The following OSBPL10 variants were observed in gnomAD, a reference collection of about 807,000 sequenced individuals.
The protein encoded by OSBPL10 is oxysterol-binding protein-related protein 10.
Under a neutral mutation model 81.7 loss-of-function variants are expected in OSBPL10, and 49 were observed. That is an observed-to-expected ratio of 0.60 (90% CI 0.48 to 0.76). The LOEUF is 0.76. OSBPL10 is among the 30% of genes least tolerant of loss of function. OSBPL10 has a pLI of 0.00. For missense variants in OSBPL10, 923 were observed against 987.8 expected (o/e 0.93, Z 0.88); for synonymous variants, 419 against 383.6 (o/e 1.09, Z -1.08).
chr3:31,663,824 T>C lies in OSBPL10; in HGVS notation c.2250+255A>G, dbSNP rs1471670318. On this transcript the variant is annotated intron_variant, in intron 11 of 11. Coordinates refer to ENST00000396556, the MANE Select transcript of OSBPL10 (RefSeq NM_017784.5). ...ATCCCTCACAGGCAGGCTGACATGC[T>C]TTTCTGACATAGGGATACTGGAGGG... is the stretch of plus-strand genomic sequence containing the variant. 8 of 1,393,056 alleles carry C rather than the reference T, an allele frequency of 5.7e-6. No homozygotes were observed. In the Admixed American group the frequency reaches 2.1e-4, roughly 36 times the overall value. 86.3% of individuals were successfully genotyped at this position (1,393,056 alleles called of 1,614,324 possible). A position where few individuals can be genotyped will look rare whatever the true frequency, so the allele number is the denominator to read the frequency against.
At chr3:31,858,306 T>C (rs1194946329) in intron 3 of OSBPL10, among the ~76,000 whole-genome samples, 1 of 152,136 alleles carries the variant, frequency 6.6e-6, no homozygotes, top group Non-Finnish European at 1.5e-5. Context: ...CAGCCCCCTA[T>C]GTTTTTTAAC....
intron 1 of OSBPL10, among the ~76,000 whole-genome samples, chr3:31,922,776 C>T (rs1696956899): frequency 6.6e-6 from 1 of 152,146 alleles, no homozygotes; most frequent in South Asian, 2.1e-4. Context: ...CCCCGGCTGG[C>T]TTCTTATGTG....
chr3:31,727,053 G>C (rs906001394), intron 6 of OSBPL10, among the ~76,000 whole-genome samples: 6 of 151,878 alleles, frequency 4.0e-5, no homozygotes, highest in Non-Finnish European at 7.4e-5. Context: ...GGTTGGTCTT[G>C]ACCTCCTCGC....
At chr3:31,958,863 A>G (rs530313303) in intron 1 of OSBPL10, among the ~76,000 whole-genome samples, 15 of 152,348 alleles carry the variant, frequency 9.8e-5, no homozygotes, top group African/African-American at 3.6e-4. Context: ...TTATGCTGCC[A>G]TGGCAGAGTT....
At chr3:31,971,495 C>G (rs1698567596) in intron 1 of OSBPL10, among the ~76,000 whole-genome samples, 1 of 152,174 alleles carries the variant, frequency 6.6e-6, no homozygotes, top group Non-Finnish European at 1.5e-5. Context: ...TACACAGCTT[C>G]TCAGTTGATC....
chr3:31,760,520 T>C (rs1039154336), intron 4 of OSBPL10, among the ~76,000 whole-genome samples: 1 of 152,220 alleles, frequency 6.6e-6, no homozygotes, highest in African/African-American at 2.4e-5. Context: ...TCCATGTAAA[T>C]AGTTATTATA....
intron 2 of OSBPL10, among the ~76,000 whole-genome samples, chr3:32,031,467 T>A (rs6790839): frequency 0.77 from 115,110 of 149,302 alleles, 44,869 homozygotes; most frequent in East Asian, 0.92. Context: ...AAATAATTTT[T>A]TTTTTTTTTT....
intron 1 of OSBPL10, among the ~76,000 whole-genome samples, chr3:31,888,626 A>C (rs894664202): frequency 1.3e-5 from 2 of 152,182 alleles, no homozygotes; most frequent in Non-Finnish European, 2.9e-5. Flanking sequence ...GCGAAAAAAA[A>C]CCACAAATAA....
chr3:31,821,732 T>A (rs909384621), intron 4 of OSBPL10, among the ~76,000 whole-genome samples: 5 of 152,192 alleles, frequency 3.3e-5, no homozygotes, highest in Non-Finnish European at 7.3e-5. Flanking sequence ...AACTAATCAC[T>A]CTGTTCACAC....
intron 1 of OSBPL10, among the ~76,000 whole-genome samples, chr3:32,046,882 A>G (rs758411760): frequency 2.2e-4 from 33 of 152,352 alleles, no homozygotes; most frequent in Admixed American, 3.3e-4. Context: ...GAACAGGGAC[A>G]TGCAAGAAGT....
At chr3:31,971,390 T>C (rs981430510) in intron 1 of OSBPL10, among the ~76,000 whole-genome samples, 1 of 152,140 alleles carries the variant, frequency 6.6e-6, no homozygotes, top group Non-Finnish European at 1.5e-5. Context: ...TCCACCCACC[T>C]CGGCCTCCCA....
At chr3:31,961,406 T>C (rs1320627511) in intron 1 of OSBPL10, among the ~76,000 whole-genome samples, 1 of 152,160 alleles carries the variant, frequency 6.6e-6, no homozygotes, top group Non-Finnish European at 1.5e-5. Context: ...CAGATACTAT[T>C]TTTAAAATGT....
intron 4 of OSBPL10, among the ~76,000 whole-genome samples, chr3:31,786,725 A>T (rs1698870046): frequency 6.6e-6 from 1 of 152,026 alleles, no homozygotes; most frequent in African/African-American, 2.4e-5. Context: ...ACAGGTGAAA[A>T]TATATATATA....
At chr3:31,849,994 A>G (rs1452734833) in intron 3 of OSBPL10, among the ~76,000 whole-genome samples, 2 of 152,048 alleles carry the variant, frequency 1.3e-5, no homozygotes, top group African/African-American at 2.4e-5. Flanking sequence ...GTGAAACCCC[A>G]TCTCTACTAA....
At chr3:31,913,710 T>C (rs1274797733) in intron 1 of OSBPL10, among the ~76,000 whole-genome samples, 1 of 152,156 alleles carries the variant, frequency 6.6e-6, no homozygotes, top group African/African-American at 2.4e-5. Flanking sequence ...ACAAAATATA[T>C]GTATATAAAA....
At chr3:31,909,463 C>T (rs1696509201) in intron 1 of OSBPL10, among the ~76,000 whole-genome samples, 1 of 151,640 alleles carries the variant, frequency 6.6e-6, no homozygotes, top group African/African-American at 2.4e-5. Flanking sequence ...CTCCATGACT[C>T]TTGTGGCTAA....
chr3:31,713,112 C>A (rs1200860821), intron 6 of OSBPL10, among the ~76,000 whole-genome samples: 1 of 152,210 alleles, frequency 6.6e-6, no homozygotes, highest in Non-Finnish European at 1.5e-5. Flanking sequence ...TAAAGTTCAT[C>A]ACATAACTCC....
intron 4 of OSBPL10, among the ~76,000 whole-genome samples, chr3:31,787,800 G>A (rs903325841): frequency 2.7e-4 from 41 of 152,152 alleles, no homozygotes; most frequent in African/African-American, 9.9e-4. Flanking sequence ...TCTAGGTGCA[G>A]TTCAGAATAA....
chr3:31,799,264 T>C (rs531373772), intron 4 of OSBPL10, among the ~76,000 whole-genome samples: 1 of 150,178 alleles, frequency 6.7e-6, no homozygotes, highest in East Asian at 2.0e-4. Context: ...CAGTTAAGAG[T>C]AGCGTGATGG....
Sources: gnomAD v4.1 joint callset for allele counts (sites outside exome capture counted in the v4.1 genomes callset) on GRCh38, gnomAD v4.1.1 for gene constraint, MANE v1.5 for transcripts, NCBI Gene and HGNC (gene_info 2026-07-23, HGNC 2026-07-21) for gene names.